The following SYTL5 variants were observed in gnomAD, a reference collection of about 807,000 sequenced individuals.
SYTL5 encodes the protein synaptotagmin-like protein 5.
SYTL5 carries 34 observed loss-of-function variants against 55.9 expected under a neutral mutation model. The ratio of observed to expected loss-of-function variants is 0.61; its 90% CI spans 0.46 to 0.81. SYTL5 has a LOEUF of 0.81. Among genes scored for constraint, SYTL5 ranks in the 30% least tolerant of loss-of-function variants. SYTL5 has a pLI of 0.00. For missense variants in SYTL5, 637 were observed against 546.7 expected (o/e 1.17, Z -1.65); for synonymous variants, 221 against 188.7 (o/e 1.17, Z -1.40).
the SYTL5 span, among the ~76,000 whole-genome samples, chrX:37,909,325 A>T: frequency 8.9e-6 from 1 of 112,397 alleles, no homozygotes; most frequent in African/African-American, 3.2e-5. Flanking sequence ...AAATTTAATG[A>T]TTACAATTGT....
At chrX:37,949,249 T>A in the SYTL5 span, 1 of 111,855 alleles carries the variant, frequency 8.9e-6, no homozygotes, top group Non-Finnish European at 1.9e-5. Flanking sequence ...TGCTACTTTG[T>A]TATTGTGATA....
the SYTL5 span, among the ~76,000 whole-genome samples, chrX:37,984,631 T>C: frequency 1.8e-5 from 2 of 111,385 alleles, no homozygotes; most frequent in Non-Finnish European, 3.8e-5. Flanking sequence ...TCCTAAATCA[T>C]CCTATGATGC....
the SYTL5 span, among the ~76,000 whole-genome samples, chrX:37,980,313 G>A: frequency 9.0e-6 from 1 of 111,715 alleles, no homozygotes; most frequent in African/African-American, 3.3e-5. Context: ...GAAGTACTGG[G>A]AGCCTGGGGT....
chrX:37,898,034 G>T, the SYTL5 span, among the ~76,000 whole-genome samples: 1 of 111,270 alleles, frequency 9.0e-6, no homozygotes, highest in Non-Finnish European at 1.9e-5. Context: ...GGAGGCGGAG[G>T]TTGCAGTGAG....
At chrX:37,911,294 C>T in the SYTL5 span, among the ~76,000 whole-genome samples, 1 of 110,982 alleles carries the variant, frequency 9.0e-6, no homozygotes, top group African/African-American at 3.3e-5. Flanking sequence ...TTCTTTTTGC[C>T]AAGCATAATT....
At chrX:38,098,849 CA>C (rs1165135883) in intron 9 of SYTL5, among the ~76,000 whole-genome samples, 2 of 110,731 alleles carry the variant, frequency 1.8e-5, no homozygotes, top group Non-Finnish European at 3.8e-5. Context: ...AGTACTGACA[CA>C]TACTACAACA....
chrX:38,041,300 C>G (rs986408908), intron 2 of SYTL5, among the ~76,000 whole-genome samples: 5 of 112,327 alleles, frequency 4.5e-5, no homozygotes, highest in African/African-American at 1.6e-4. Flanking sequence ...CAATAATACC[C>G]TTTTAATACA....
chrX:37,893,671 TAATCTATAG>T, the SYTL5 span, among the ~76,000 whole-genome samples: 1 of 83,808 alleles, frequency 1.2e-5, no homozygotes, highest in African/African-American at 4.6e-5. Context: ...TCTATATATA[TAATCTATAG>T]ATAAACTATA....
Position 38,094,298 on chromosome X carries a change from T to C in SYTL5, c.835T>C (p.Tyr279His), listed in dbSNP as rs1181709606. Residue 279 changes from tyrosine to histidine, a missense_variant, in exon 8 of 17, where the codon TAT becomes CAT. Transcript: ENST00000297875. ...CTCATTTTTACTTTGTGGGAAGGAG[T>C]ATGGTTTTGAAAATTCCATGGATTT... is the stretch of plus-strand genomic sequence containing the variant. ...RTVTSVISREYGFENSMDLAA... is the reference protein window; with the variant it reads ...RTVTSVISREHGFENSMDLAA... 1 of 1,198,184 alleles carries C rather than the reference T, an allele frequency of 8.3e-7. No homozygotes were observed. Among genetic ancestry groups the C allele is most frequent in the East Asian group, 3.0e-5 (1 of 33,578 alleles).
the SYTL5 span, among the ~76,000 whole-genome samples, chrX:37,969,322 A>T: frequency 2.7e-5 from 3 of 111,710 alleles, no homozygotes; most frequent in African/African-American, 6.5e-5. Context: ...AATTTACCAA[A>T]TTAATTTTTA....
At chrX:37,918,351 CAT>C in the SYTL5 span, among the ~76,000 whole-genome samples, 2 of 111,634 alleles carry the variant, frequency 1.8e-5, no homozygotes, top group Non-Finnish European at 3.8e-5. Flanking sequence ...GGATGAGAGA[CAT>C]GTGGTACAGA....
At chrX:37,904,610 G>A in the SYTL5 span, among the ~76,000 whole-genome samples, 41 of 111,458 alleles carry the variant, frequency 3.7e-4, no homozygotes, top group African/African-American at 1.3e-3. Context: ...TCCACTATGT[G>A]TTAGGCCATG....
At chrX:37,910,516 A>G in the SYTL5 span, among the ~76,000 whole-genome samples, 8 of 112,279 alleles carry the variant, frequency 7.1e-5, no homozygotes, top group African/African-American at 2.6e-4. Context: ...ACATTTCTCA[A>G]ACTTTAATGT....
At chrX:37,962,059 T>C in the SYTL5 span, among the ~76,000 whole-genome samples, 1 of 111,573 alleles carries the variant, frequency 9.0e-6, no homozygotes, top group Non-Finnish European at 1.9e-5. Flanking sequence ...CCTACTTTTT[T>C]TTTTCTTGTC....
chrX:37,995,561 C>T, the SYTL5 span, among the ~76,000 whole-genome samples: 3 of 112,149 alleles, frequency 2.7e-5, no homozygotes, highest in Non-Finnish European at 3.8e-5. Flanking sequence ...TCACTTTCTC[C>T]TCTGTGCATT....
intron 3 of SYTL5, among the ~76,000 whole-genome samples, chrX:38,063,804 C>T (rs978725273): frequency 8.9e-6 from 1 of 111,839 alleles, no homozygotes; most frequent in Non-Finnish European, 1.9e-5. Flanking sequence ...GGTCAACAGA[C>T]ATTTAGATTG....
At chrX:38,096,400 A>C (rs1936938959) in intron 9 of SYTL5, among the ~76,000 whole-genome samples, 166 bp downstream of exon 9, 1 of 111,724 alleles carries the variant, frequency 9.0e-6, no homozygotes, top group Admixed American at 9.5e-5. Flanking sequence ...CCGAAAGAAT[A>C]ACTTAGAAAA....
chrX:37,954,718 AT>A, the SYTL5 span, among the ~76,000 whole-genome samples: 3 of 111,633 alleles, frequency 2.7e-5, no homozygotes, highest in Non-Finnish European at 5.7e-5. Flanking sequence ...TTTATGTTGT[AT>A]TATATTTCTG....
chrX:38,093,324 C>A (rs1376985512), intron 7 of SYTL5, among the ~76,000 whole-genome samples: 1 of 111,990 alleles, frequency 8.9e-6, no homozygotes, highest in Non-Finnish European at 1.9e-5. Flanking sequence ...AATTATTCCT[C>A]TAGGATTTCA....
Sources: gnomAD v4.1 joint callset for allele counts (sites outside exome capture counted in the v4.1 genomes callset) on GRCh38, gnomAD v4.1.1 for gene constraint, MANE v1.5 for transcripts, NCBI Gene and HGNC (gene_info 2026-07-23, HGNC 2026-07-21) for gene names.